KCNMA1: variants seen among roughly 807,000 people sequenced by gnomAD.
KCNMA1 encodes the protein potassium calcium-activated channel subfamily M alpha 1.
KCNMA1 carries 29 observed loss-of-function variants against 140.0 expected under a neutral mutation model. The observed-to-expected ratio is 0.21, with a 90% CI of 0.15 to 0.28. The LOEUF is 0.28. Ranked by LOEUF, KCNMA1 falls within the 10% of genes least tolerant of loss-of-function variation. KCNMA1 has a pLI of 1.00. For missense variants in KCNMA1, 880 were observed against 1,602.2 expected, an observed-to-expected ratio of 0.55 and a Z score of 7.70; for synonymous variants, 612 against 611.9, an observed-to-expected ratio of 1.00 and a Z score of 0.00.
At chr10:77,324,926 C>T (rs1254937972) in intron 2 of KCNMA1, among the ~76,000 whole-genome samples, 1 of 146,258 alleles carries the variant, frequency 6.8e-6, no homozygotes, top group African/African-American at 2.5e-5. Flanking sequence ...TCTGGACACT[C>T]AGTATAGCTC....
At chr10:77,100,288 A>G (rs1051340303) in intron 9 of KCNMA1, among the ~76,000 whole-genome samples, 1 of 152,166 alleles carries the variant, frequency 6.6e-6, no homozygotes, top group Non-Finnish European at 1.5e-5. Flanking sequence ...CTTTGGAGTC[A>G]ATGGCTAAGG....
intron 1 of KCNMA1, among the ~76,000 whole-genome samples, chr10:77,510,369 C>A (rs2047920945): frequency 6.6e-6 from 1 of 152,174 alleles, no homozygotes; most frequent in East Asian, 1.9e-4. Context: ...GTAAATACCA[C>A]TTAATTGACT....
At chr10:77,197,361 T>A (rs1354349575) in intron 3 of KCNMA1, among the ~76,000 whole-genome samples, 3 of 152,038 alleles carry the variant, frequency 2.0e-5, no homozygotes, top group Non-Finnish European at 4.4e-5. Flanking sequence ...CCAGGTGGAG[T>A]CAGGAACATG....
intron 19 of KCNMA1, among the ~76,000 whole-genome samples, chr10:77,000,462 A>G (rs2085874123): frequency 6.6e-6 from 1 of 152,144 alleles, no homozygotes; most frequent in Non-Finnish European, 1.5e-5. Flanking sequence ...GGGAGGTCTC[A>G]GGAAACTGGC....
At chr10:77,062,022 A>C (rs1324181296) in intron 14 of KCNMA1, among the ~76,000 whole-genome samples, 1 of 152,224 alleles carries the variant, frequency 6.6e-6, no homozygotes, top group Non-Finnish European at 1.5e-5. Flanking sequence ...GTGACTGTAC[A>C]GCATGAGGGA....
Position 76,984,474 on chromosome 10 carries a change from G to A in KCNMA1, c.2267-14407C>T, listed in dbSNP as rs147541879. ...CAAAGTTCTGGGGTTACAGACGTGA[G>A]CCACTGCACCCAGCCTGGATTCTAG... On this transcript the variant is annotated intron_variant, in intron 19 of 27. Transcript: ENST00000286628. Among the ~76,000 whole-genome samples the A allele has an allele frequency of 4.5e-4, 68 of 152,282 alleles. 1 individual carries two copies. In the East Asian group the frequency reaches 0.012, roughly 28 times the overall value.
At chr10:77,465,465 T>G (rs2154526292) in intron 1 of KCNMA1, among the ~76,000 whole-genome samples, 1 of 152,262 alleles carries the variant, frequency 6.6e-6, no homozygotes, top group East Asian at 1.9e-4. Flanking sequence ...AGTTTTGGAG[T>G]TAGAACAGCC....
At chr10:77,046,668 T>C (rs1247767) in intron 14 of KCNMA1, among the ~76,000 whole-genome samples, 32,643 of 152,204 alleles carry the variant, frequency 0.21, 5,036 homozygotes, top group East Asian at 0.54. Context: ...TATTTCCCTC[T>C]ATGTTCCAAT....
At chr10:76,954,269 GCACACACA>G (rs10663230) in intron 20 of KCNMA1, among the ~76,000 whole-genome samples, 1 of 141,096 alleles carries the variant, frequency 7.1e-6, no homozygotes, top group African/African-American at 2.5e-5. Flanking sequence ...TCCCCAGCGT[GCACACACA>G]CACACACACA....
downstream of KCNMA1, among the ~76,000 whole-genome samples, chr10:76,881,788 G>A (rs1307129784): frequency 1.3e-5 from 2 of 152,136 alleles, no homozygotes; most frequent in African/African-American, 4.8e-5. Flanking sequence ...GAAGAACATG[G>A]ATTGTGGCAG....
chr10:76,990,238 T>G (rs2082360106), intron 19 of KCNMA1, among the ~76,000 whole-genome samples: 1 of 152,178 alleles, frequency 6.6e-6, no homozygotes, highest in Non-Finnish European at 1.5e-5. Context: ...TTACTCTTAT[T>G]ATAGCCATGA....
intron 2 of KCNMA1, among the ~76,000 whole-genome samples, chr10:77,279,189 C>T (rs2067592713): frequency 6.6e-6 from 1 of 152,144 alleles, no homozygotes. Flanking sequence ...AACTCTACTA[C>T]ATTTAGAATA....
chr10:77,622,863 T>C (rs1349218632), intron 1 of KCNMA1, among the ~76,000 whole-genome samples: 2 of 152,128 alleles, frequency 1.3e-5, no homozygotes, highest in East Asian at 1.9e-4. Context: ...AGTCTGAAAA[T>C]AAATGCAAGA....
intron 1 of KCNMA1, among the ~76,000 whole-genome samples, chr10:77,480,569 T>A (rs1435568228): frequency 6.6e-6 from 1 of 152,188 alleles, no homozygotes; most frequent in East Asian, 1.9e-4. Context: ...CAAATCATTA[T>A]CTACAATGAT....
chr10:76,897,430 A>T (rs980336032), intron 25 of KCNMA1, among the ~76,000 whole-genome samples: 1 of 152,084 alleles, frequency 6.6e-6, no homozygotes, highest in Non-Finnish European at 1.5e-5. Context: ...GCTAGGCTGA[A>T]GCTTCTCTAG....
At chr10:77,344,739 G>T (rs1348456802) in intron 2 of KCNMA1, among the ~76,000 whole-genome samples, 2 of 152,094 alleles carry the variant, frequency 1.3e-5, no homozygotes, top group South Asian at 2.1e-4. Flanking sequence ...ATCTTCTCTT[G>T]TTTCCTGCAT....
intron 16 of KCNMA1, 79 bp downstream of exon 16, chr10:77,027,744 C>T: frequency 9.0e-7 from 1 of 1,113,062 alleles, no homozygotes; most frequent in Non-Finnish European, 1.4e-6. Flanking sequence ...CACAAGAAAG[C>T]AGAAGTGAAC....
intron 2 of KCNMA1, among the ~76,000 whole-genome samples, chr10:77,281,326 C>T (rs115683668): frequency 8.4e-4 from 128 of 152,288 alleles, no homozygotes; most frequent in African/African-American, 3.0e-3. Context: ...GACACAGCAC[C>T]ATTCTGGAGC....
chr10:77,504,812 T>C (rs769188651), intron 1 of KCNMA1, among the ~76,000 whole-genome samples: 15 of 152,204 alleles, frequency 9.9e-5, no homozygotes, highest in Non-Finnish European at 2.1e-4. Flanking sequence ...TATGTATGCA[T>C]ATTTTATTCC....
Sources: gnomAD v4.1 joint callset for allele counts (sites outside exome capture counted in the v4.1 genomes callset) on GRCh38, gnomAD v4.1.1 for gene constraint, MANE v1.5 for transcripts, NCBI Gene and HGNC (gene_info 2026-07-23, HGNC 2026-07-21) for gene names.